The following ZNF292 variants were observed in gnomAD, a reference collection of about 807,000 sequenced individuals.
ZNF292 encodes 16 zinc-finger domain protein.
Under a neutral mutation model 217.9 loss-of-function variants are expected in ZNF292, and 26 were observed. That is an observed-to-expected ratio of 0.12 (90% CI 0.09 to 0.17). The LOEUF (loss-of-function observed/expected upper bound fraction) is 0.17. ZNF292 is among the 10% of genes least tolerant of loss of function. The pLI is 1.00. For synonymous variants in ZNF292, 1,257 were observed against 1,124.1 expected, an observed-to-expected ratio of 1.12 and a Z score of -2.37; for missense variants, 2,904 against 3,175.2, an observed-to-expected ratio of 0.91 and a Z score of 2.05.
At chr6:87,208,965 T>A (rs1772360874) in intron 1 of ZNF292, among the ~76,000 whole-genome samples, 1 of 152,204 alleles carries the variant, frequency 6.6e-6, no homozygotes, top group Non-Finnish European at 1.5e-5. Context: ...CAAACACCTC[T>A]TTTTAAACTT....
chr6:87,188,023 G>A (rs756464182), intron 1 of ZNF292, among the ~76,000 whole-genome samples: 11 of 152,278 alleles, frequency 7.2e-5, no homozygotes, highest in African/African-American at 2.4e-4. Context: ...CTTGTGTATA[G>A]TGTCTCAATT....
At chr6:87,222,634 C>T (rs755014167) in intron 4 of ZNF292, 16 of 262,102 alleles carry the variant, frequency 6.1e-5, no homozygotes, top group Non-Finnish European at 1.2e-4. Flanking sequence ...AACCCGTTTT[C>T]ACTCTCATTA....
At chr6:87,246,847 C>G (rs1027119146) in intron 7 of ZNF292, among the ~76,000 whole-genome samples, 1 of 151,934 alleles carries the variant, frequency 6.6e-6, no homozygotes, top group East Asian at 1.9e-4. Flanking sequence ...CAAGCAAGAT[C>G]CTGTCTCAAA....
At chr6:87,185,603 G>T (rs887928025) in intron 1 of ZNF292, among the ~76,000 whole-genome samples, 14 of 152,090 alleles carry the variant, frequency 9.2e-5, no homozygotes, top group African/African-American at 2.7e-4. Context: ...CCTCAGCTGG[G>T]ACTACAGGTG....
At chr6:87,203,810 G>C (rs763373791) in intron 1 of ZNF292, among the ~76,000 whole-genome samples, 1 of 152,082 alleles carries the variant, frequency 6.6e-6, no homozygotes, top group Non-Finnish European at 1.5e-5. Flanking sequence ...TGGGGAGTCA[G>C]AGCCAGAGCA....
At chr6:87,234,840 C>T (rs1773823381) in intron 5 of ZNF292, among the ~76,000 whole-genome samples, 1 of 151,920 alleles carries the variant, frequency 6.6e-6, no homozygotes, top group African/African-American at 2.4e-5. Context: ...CTCAGTGCCA[C>T]ATGAGGTTTG....
Position 87,259,798 on chromosome 6 carries a change from T to C in ZNF292, c.6169T>C (p.Leu2057=), listed in dbSNP as rs1395969122. 1.9e-6 allele frequency: 3 copies of C among 1,608,234 alleles called. No homozygotes were observed. Among genetic ancestry groups the C allele is most frequent in the Admixed American group, 1.7e-5 (1 of 58,828 alleles). ...AAGTCCTGACAAAACAGAAAGTTCT[T>C]TACAAGTGATTACAGTTACTTCAGA... ...KKSPDKTESS[L]QVITVTSEQC... is the part of the protein sequence containing the mutation. Residue 2057 remains leucine, a synonymous_variant, in exon 8 of 8, where the codon TTA becomes CTA. Coordinates refer to ENST00000369577, the MANE Select transcript of ZNF292 (RefSeq NM_015021.3).
rs944874469 is a variant in ZNF292, at chr6:87,265,672, A to G, written c.*3871A>G. Among the ~76,000 whole-genome samples the G allele has an allele frequency of 2.0e-5, 3 of 152,248 alleles. No individual in the cohort carries two copies. Among genetic ancestry groups the G allele is most frequent in the African/African-American group, 7.2e-5 (3 of 41,468 alleles). On this transcript the variant is annotated 3_prime_UTR_variant, in exon 8 of 8. Coordinates refer to ENST00000369577, the MANE Select transcript of ZNF292 (RefSeq NM_015021.3). ...ATACTTAGTTATATCCCACTGAACT[A>G]GCATTCTAAAGAACACACTTTGGGA...
rs2127861419 is a variant in ZNF292 at position 87,256,530 on chromosome 6, C to T, written c.2901C>T (p.Val967=). ...STVEGSGEAL[V]TDLHTPVEDT... ...TGGAAGGCAGTGGTGAAGCACTGGT[C>T]ACAGACTTACATACGCCAGTTGAAG... Residue 967 remains valine (V), a synonymous_variant, in exon 8 of 8, where the codon GTC becomes GTT. Coordinates refer to ENST00000369577, the MANE Select transcript of ZNF292 (RefSeq NM_015021.3). 1.9e-6 allele frequency: 3 copies of T among 1,613,192 alleles called. No individual in the cohort carries two copies. The highest frequency in any genetic ancestry group is 1.1e-5 in the South Asian group (1 of 91,060).
chr6:87,176,247 A>G lies in ZNF292; in HGVS notation c.168+20488A>G, dbSNP rs79375261. Among the ~76,000 whole-genome samples the G allele has an allele frequency of 2.4e-3, 369 of 152,348 alleles. 2 individuals are homozygous for G. The highest frequency in any genetic ancestry group is 3.5e-3 in the Non-Finnish European group (240 of 68,032). On this transcript the variant is annotated intron_variant, in intron 1 of 7. Coordinates refer to ENST00000369577, the MANE Select transcript of ZNF292 (RefSeq NM_015021.3). ...TTCAGAAATGAAGACCCAAAGATAC[A>G]GGGAAACCTGTGTATTTCAGTGCTT...
At chr6:87,190,567 G>A (rs1771794612) in intron 1 of ZNF292, among the ~76,000 whole-genome samples, 2 of 151,972 alleles carry the variant, frequency 1.3e-5, no homozygotes, top group African/African-American at 2.4e-5. Context: ...TCTGCCTCCC[G>A]GGTTCAAGTG....
intron 1 of ZNF292, among the ~76,000 whole-genome samples, chr6:87,168,496 C>T (rs1370175050): frequency 1.3e-5 from 2 of 151,928 alleles, no homozygotes; most frequent in Non-Finnish European, 2.9e-5. Context: ...TTTTTGAGGT[C>T]GAGTTTCGCT....
chr6:87,206,467 T>C lies in ZNF292; in HGVS notation c.169-9436T>C, dbSNP rs73754109. ...TTGCTTTATCTCACATTTTATTTTC[T>C]GAATCCTTTAAGAGTTAGCCAGTAT... On this transcript the variant is annotated intron_variant, in intron 1 of 7. Transcript: ENST00000369577. 5.6e-3 allele frequency among the ~76,000 whole-genome samples: 853 copies of C among 152,296 alleles called. 9 individuals are homozygous for C. Among genetic ancestry groups the C allele is most frequent in the African/African-American group, 0.018 (765 of 41,552 alleles).
chr6:87,184,847 C>T (rs1045982782), intron 1 of ZNF292, among the ~76,000 whole-genome samples: 5 of 152,110 alleles, frequency 3.3e-5, no homozygotes, highest in African/African-American at 1.2e-4. Flanking sequence ...GAACAAAGGC[C>T]CCTGAGCCTG....
chr6:87,218,479 G>C, intron 3 of ZNF292, 117 bp from the exon 4 acceptor site: 1 of 704,408 alleles, frequency 1.4e-6, no homozygotes. Flanking sequence ...TTTGTAATGT[G>C]ATGTGAAATT....
intron 1 of ZNF292, among the ~76,000 whole-genome samples, chr6:87,192,179 G>C (rs1771838418): frequency 6.6e-6 from 1 of 152,168 alleles, no homozygotes; most frequent in African/African-American, 2.4e-5. Flanking sequence ...TTTTAACATA[G>C]AACTTTGTTT....
chr6:87,238,481 A>G (rs1774009607), intron 5 of ZNF292, among the ~76,000 whole-genome samples: 1 of 148,470 alleles, frequency 6.7e-6, no homozygotes, highest in Admixed American at 6.7e-5. Flanking sequence ...GCGAGTCTCC[A>G]TCTCAAAAAA....
chr6:87,157,894 C>G (rs1215849820), intron 1 of ZNF292, among the ~76,000 whole-genome samples: 1 of 152,058 alleles, frequency 6.6e-6, no homozygotes, highest in Non-Finnish European at 1.5e-5. Context: ...TGGGGTTTCA[C>G]TGTATGTCGG....
rs1775359809 is a variant in ZNF292, at chr6:87,258,400, A to G, written c.4771A>G (p.Asn1591Asp). 1.2e-6 allele frequency: 2 copies of G among 1,613,634 alleles called. No individual in the cohort carries two copies. The highest frequency in any genetic ancestry group is 1.7e-6 in the Non-Finnish European group (2 of 1,179,774). ...ENGLCSSSFP[N>D]SGGPSQNFTS... Reference sequence around the variant, plus strand: ...TGGTTTGTGCTCTAGTTCATTTCCTAATTCTGGTGGGCCATCACAAAATTT... The same window carrying G: ...TGGTTTGTGCTCTAGTTCATTTCCTGATTCTGGTGGGCCATCACAAAATTT... The change falls in exon 8 of 8, where the codon AAT becomes GAT. Residue 1591 changes from asparagine to aspartate, a missense_variant. Coordinates refer to ENST00000369577, the MANE Select transcript of ZNF292 (RefSeq NM_015021.3).
Sources: gnomAD v4.1 joint callset for allele counts (sites outside exome capture counted in the v4.1 genomes callset) on GRCh38, gnomAD v4.1.1 for gene constraint, MANE v1.5 for transcripts, NCBI Gene and HGNC (gene_info 2026-07-23, HGNC 2026-07-21) for gene names.